The following TBX15 variants were observed in gnomAD, a reference collection of about 807,000 sequenced individuals.
The protein encoded by TBX15 is T-box transcription factor 15, also known as T-box transcription factor TBX15.
Under a neutral mutation model 53.9 loss-of-function variants are expected in TBX15, and 18 were observed. That is an observed-to-expected ratio of 0.33 (90% CI 0.23 to 0.49). The LOEUF is 0.49. Among genes scored for constraint, TBX15 ranks in the 20% least tolerant of loss-of-function variants. The pLI, the probability that TBX15 is intolerant of heterozygous loss-of-function variation, is 0.98. For synonymous variants in TBX15, 295 were observed against 278.0 expected (o/e 1.06, Z -0.61); for missense variants, 692 against 749.5 (o/e 0.92, Z 0.90).
intron 6 of TBX15, among the ~76,000 whole-genome samples, chr1:118,910,327 A>C (rs1161267928): frequency 6.6e-6 from 1 of 152,224 alleles, no homozygotes; most frequent in African/African-American, 2.4e-5. Context: ...ATTTACATGC[A>C]ACTCATCAAA....
In TBX15 at chr1:118,885,200, G is replaced by A. The variant is rs1273003450; in HGVS notation, c.1341C>T (p.Ile447=). The change falls in exon 8 of 8, where the codon ATC becomes ATT. Residue 447 remains isoleucine, a synonymous_variant. Coordinates refer to ENST00000369429, the MANE Select transcript of TBX15 (RefSeq NM_001330677.2). ...TFMPQRTPSL[I]SGIPTPPSLP... Reference sequence around the variant, plus strand: ...ACGAGGGAGGAGTTGGTATTCCTGAGATCAGGGATGGAGTCCTCTGAGGCA... The same window carrying A: ...ACGAGGGAGGAGTTGGTATTCCTGAAATCAGGGATGGAGTCCTCTGAGGCA... The A allele has an allele frequency of 2.5e-6, 4 of 1,614,076 alleles. No individual in the cohort carries two copies. In the African/African-American group the frequency reaches 4.0e-5, roughly 16 times the overall value.
At chr1:118,979,628 T>C (rs1192860069) in intron 1 of TBX15, among the ~76,000 whole-genome samples, 1 of 152,162 alleles carries the variant, frequency 6.6e-6, no homozygotes, top group Non-Finnish European at 1.5e-5. Context: ...GGTTCCTGAT[T>C]TGTTTTTGTT....
intron 1 of TBX15, among the ~76,000 whole-genome samples, chr1:118,985,929 G>A (rs1291551024): frequency 6.6e-6 from 1 of 152,160 alleles, no homozygotes; most frequent in African/African-American, 2.4e-5. Flanking sequence ...AAGGAGAACG[G>A]CAGAAAGAGC....
At chr1:118,896,666 G>T (rs1163879602) in intron 7 of TBX15, among the ~76,000 whole-genome samples, 1 of 152,136 alleles carries the variant, frequency 6.6e-6, no homozygotes, top group African/African-American at 2.4e-5. Flanking sequence ...GTAAAAAATA[G>T]CCTACCACTG....
At chr1:118,949,590 A>G (rs1355434828) in intron 1 of TBX15, among the ~76,000 whole-genome samples, 1 of 152,256 alleles carries the variant, frequency 6.6e-6, no homozygotes, top group Non-Finnish European at 1.5e-5. Context: ...TCAGGGCTCC[A>G]GCTGGGGAGC....
chr1:118,927,556 A>T lies in TBX15; in HGVS notation c.420-945T>A, dbSNP rs1013777588. On this transcript the variant is annotated intron_variant, in intron 2 of 7. Transcript: ENST00000369429. ...ATTTTCTGCAAGTTCTCAGGCTGTC[A>T]ACGTGTGTGTCAGAGGAAGGACCCT... Among the ~76,000 whole-genome samples the T allele has an allele frequency of 9.8e-5, 15 of 152,322 alleles. No homozygotes were observed. The East Asian group carries it at 2.9e-3, about 29-fold the overall frequency.
At chr1:118,973,748 C>T (rs908860288) in intron 1 of TBX15, among the ~76,000 whole-genome samples, 17 of 151,952 alleles carry the variant, frequency 1.1e-4, no homozygotes, top group Non-Finnish European at 8.8e-5. Flanking sequence ...CCCTCAGCAC[C>T]GCCCCCAACA....
intron 1 of TBX15, among the ~76,000 whole-genome samples, chr1:118,934,081 C>G (rs999547342): frequency 1.3e-5 from 2 of 152,096 alleles, no homozygotes; most frequent in Admixed American, 6.6e-5. Context: ...GAGACTCTAC[C>G]CTTAACTCAG....
At chr1:118,908,377 CAAAAAA>C (rs66887595) in intron 6 of TBX15, among the ~76,000 whole-genome samples, 1 of 132,280 alleles carries the variant, frequency 7.6e-6, no homozygotes, top group African/African-American at 2.8e-5. Flanking sequence ...AGCACAAGAC[CAAAAAA>C]AAAAAAAAAA....
chr1:118,975,777 A>T (rs1482827688), intron 1 of TBX15, among the ~76,000 whole-genome samples: 3 of 152,198 alleles, frequency 2.0e-5, no homozygotes, highest in Non-Finnish European at 2.9e-5. Context: ...TGCTGGTTAG[A>T]GTTGTGGACA....
chr1:118,953,036 A>G (rs1656567237), intron 1 of TBX15, among the ~76,000 whole-genome samples: 1 of 151,898 alleles, frequency 6.6e-6, no homozygotes, highest in African/African-American at 2.4e-5. Context: ...AAATGTATAA[A>G]CCCAATACTG....
chr1:118,962,377 C>T (rs1656906931), intron 1 of TBX15, among the ~76,000 whole-genome samples: 1 of 152,082 alleles, frequency 6.6e-6, no homozygotes, highest in African/African-American at 2.4e-5. Flanking sequence ...GACAATTCAG[C>T]TGATGATAAG....
At chr1:118,889,825 A>G (rs1038480613) in intron 7 of TBX15, among the ~76,000 whole-genome samples, 3 of 151,950 alleles carry the variant, frequency 2.0e-5, no homozygotes. Context: ...TTTAGTAGAG[A>G]TAGGGTCTCA....
intron 1 of TBX15, among the ~76,000 whole-genome samples, chr1:118,985,125 C>T (rs1238152450): frequency 1.4e-4 from 22 of 152,024 alleles, no homozygotes; most frequent in Admixed American, 1.4e-3. Context: ...GTGTGTGTTT[C>T]ATTCTTCCCG....
At chr1:118,944,306 A>T (rs1656276639) in intron 1 of TBX15, among the ~76,000 whole-genome samples, 1 of 152,158 alleles carries the variant, frequency 6.6e-6, no homozygotes, top group Non-Finnish European at 1.5e-5. Context: ...TGAGGTAAGG[A>T]ATTGCCTTAC....
At chr1:118,985,568 G>T (rs971558780) in intron 1 of TBX15, among the ~76,000 whole-genome samples, 1 of 152,136 alleles carries the variant, frequency 6.6e-6, no homozygotes, top group Admixed American at 6.5e-5. Context: ...GGATTCCCCC[G>T]GCCCACTAAA....
At chr1:118,924,999 G>T (rs1266900450) in intron 3 of TBX15, among the ~76,000 whole-genome samples, 182 bp from the exon 4 acceptor site, 1 of 152,162 alleles carries the variant, frequency 6.6e-6, no homozygotes, top group Non-Finnish European at 1.5e-5. Flanking sequence ...CCAGGGAAAT[G>T]AAATAGAGAT....
chr1:118,943,316 T>C (rs975939099), intron 1 of TBX15, among the ~76,000 whole-genome samples: 5 of 152,072 alleles, frequency 3.3e-5, no homozygotes, highest in Non-Finnish European at 5.9e-5. Context: ...GATCACATGA[T>C]GAAGAAAATA....
At chr1:118,913,455 AAAAG>A (rs1336222960) in intron 6 of TBX15, among the ~76,000 whole-genome samples, 1 of 152,208 alleles carries the variant, frequency 6.6e-6, no homozygotes, top group Non-Finnish European at 1.5e-5. Context: ...GAATTTCGAG[AAAAG>A]AAAGAAGTAT....
Sources: allele counts gnomAD v4.1 joint callset (sites outside exome capture counted in the v4.1 genomes callset), GRCh38; gene constraint gnomAD v4.1.1; transcripts MANE v1.5; gene names NCBI Gene and HGNC (gene_info 2026-07-23, HGNC 2026-07-21).